Variants in GRIN2A observed in about 807,000 individuals in gnomAD.
GRIN2A encodes glutamate ionotropic receptor NMDA type subunit 2A, also known as glutamate receptor ionotropic, NMDA 2A.
In GRIN2A, 22 loss-of-function variants were observed where a neutral mutation model predicts 113.4. The ratio of observed to expected loss-of-function variants is 0.19; its 90% CI spans 0.14 to 0.28. The LOEUF (loss-of-function observed/expected upper bound fraction) is 0.28, where lower values mean the gene tolerates loss of function less well. GRIN2A is among the 10% of genes least tolerant of loss of function. The pLI, the probability that GRIN2A is intolerant of heterozygous loss-of-function variation, is 1.00. For synonymous variants in GRIN2A, 827 were observed against 738.4 expected (o/e 1.12, Z -1.94); for missense variants, 1,502 against 1,887.0 (o/e 0.80, Z 3.78).
chr16:10,057,095 A>G (rs1298903357), intron 2 of GRIN2A, among the ~76,000 whole-genome samples: 5 of 151,718 alleles, frequency 3.3e-5, no homozygotes, highest in Non-Finnish European at 7.4e-5. Context: ...CCATGCATCC[A>G]TCTATCCACC....
At chr16:10,035,883 C>T (rs2047016148) in intron 2 of GRIN2A, among the ~76,000 whole-genome samples, 1 of 152,096 alleles carries the variant, frequency 6.6e-6, no homozygotes, top group Non-Finnish European at 1.5e-5. Context: ...GCCACCATGC[C>T]TGGCTAATTT....
intron 11 of GRIN2A, among the ~76,000 whole-genome samples, chr16:9,797,248 C>G (rs1009236236): frequency 6.6e-6 from 1 of 152,230 alleles, no homozygotes. Context: ...TGCCCTCTGG[C>G]TTGAGCCTTT....
At chr16:10,155,001 G>A (rs555031853) in intron 2 of GRIN2A, among the ~76,000 whole-genome samples, 12 of 152,308 alleles carry the variant, frequency 7.9e-5, no homozygotes, top group East Asian at 5.8e-4. Flanking sequence ...AGTTTAAACC[G>A]TGTCTGTAGC....
At chr16:10,002,568 T>C (rs1262490425) in intron 2 of GRIN2A, among the ~76,000 whole-genome samples, 1 of 152,028 alleles carries the variant, frequency 6.6e-6, no homozygotes, top group African/African-American at 2.4e-5. Flanking sequence ...ATGAGAGAAG[T>C]TGGAAACTGA....
At chr16:10,105,180 G>A (rs2048473702) in intron 2 of GRIN2A, among the ~76,000 whole-genome samples, 1 of 151,962 alleles carries the variant, frequency 6.6e-6, no homozygotes, top group Admixed American at 6.5e-5. Context: ...AAGCCAGAAG[G>A]CCCTGAACCC....
intron 2 of GRIN2A, among the ~76,000 whole-genome samples, chr16:10,122,086 G>C (rs1329395238): frequency 6.6e-6 from 1 of 152,154 alleles, no homozygotes; most frequent in Non-Finnish European, 1.5e-5. Context: ...CGCCCTTCTG[G>C]GCACTACCAG....
intron 2 of GRIN2A, among the ~76,000 whole-genome samples, chr16:10,102,778 TG>T (rs2048425117): frequency 1.3e-5 from 2 of 152,146 alleles, no homozygotes; most frequent in South Asian, 4.1e-4. Context: ...TTAGGTAACT[TG>T]TCTAAGACCA....
intron 2 of GRIN2A, among the ~76,000 whole-genome samples, chr16:10,104,412 A>G (rs9935144): frequency 0.41 from 61,620 of 152,032 alleles, 12,665 homozygotes; most frequent in East Asian, 0.46. Flanking sequence ...CTGGAGGAGG[A>G]CCAGTTTGAA....
At position 9,998,215 on chromosome 16, in the gene GRIN2A, C is replaced by A. The variant is rs1014749667; in HGVS notation, c.415-59664G>T. On this transcript the variant is annotated intron_variant, in intron 2 of 12. Coordinates refer to ENST00000330684, the MANE Select transcript of GRIN2A (RefSeq NM_001134407.3). Reference sequence around the variant, plus strand: ...GTGTCATGGGTTAGCCATGGCACTGCGATTGATATTTAGTCCATATCTGTT... The same window carrying A: ...GTGTCATGGGTTAGCCATGGCACTGAGATTGATATTTAGTCCATATCTGTT... 5.3e-5 allele frequency among the ~76,000 whole-genome samples: 8 copies of A among 152,016 alleles called. No homozygotes were observed. The East Asian group carries it at 5.8e-4, about 11-fold the overall frequency.
chr16:9,849,801 G>A lies in GRIN2A; in HGVS notation c.1283C>T (p.Thr428Met), dbSNP rs2141369276. 6.2e-7 allele frequency: 1 copy of A among 1,614,024 alleles called. No individual in the cohort carries two copies. Among genetic ancestry groups the A allele is most frequent in the Non-Finnish European group, 8.5e-7 (1 of 1,179,972 alleles). The change falls in exon 5 of 13, where the codon ACG becomes ATG. Residue 428 changes from threonine (T) to methionine (M), a missense_variant. Coordinates refer to ENST00000330684, the MANE Select transcript of GRIN2A (RefSeq NM_001134407.3). Reference sequence around the variant, plus strand: ...ACATGGCACGGTGTTCCTCACACACGTCTCGGTCAGGGGGTCTATGTCTTC... The same window carrying A: ...ACATGGCACGGTGTTCCTCACACACATCTCGGTCAGGGGGTCTATGTCTTC... Reference protein sequence around the residue: ...IVEDIDPLTETCVRNTVPCRK... With the variant: ...IVEDIDPLTEMCVRNTVPCRK...
chr16:10,100,401 G>T (rs1315962304), intron 2 of GRIN2A, among the ~76,000 whole-genome samples: 1 of 152,218 alleles, frequency 6.6e-6, no homozygotes, highest in Non-Finnish European at 1.5e-5. Context: ...GATGTTGAGT[G>T]TTGGATCACA....
chr16:10,081,146 T>C (rs1402229852), intron 2 of GRIN2A, among the ~76,000 whole-genome samples: 1 of 152,204 alleles, frequency 6.6e-6, no homozygotes, highest in East Asian at 1.9e-4. Context: ...TCCGAGGCTC[T>C]TACATGCTTC....
chr16:10,135,259 A>T (rs573226269), intron 2 of GRIN2A, among the ~76,000 whole-genome samples: 1 of 152,200 alleles, frequency 6.6e-6, no homozygotes, highest in African/African-American at 2.4e-5. Context: ...CCAGTTTTCA[A>T]TAACATTTCC....
At chr16:9,957,925 G>T (rs1216065490) in intron 2 of GRIN2A, among the ~76,000 whole-genome samples, 1 of 152,144 alleles carries the variant, frequency 6.6e-6, no homozygotes, top group Non-Finnish European at 1.5e-5. Context: ...CCACTGATAT[G>T]AAGGGCTTCC....
At chr16:9,813,770 G>A (rs28489727) in intron 10 of GRIN2A, among the ~76,000 whole-genome samples, 2,102 of 152,040 alleles carry the variant, frequency 0.014, 54 homozygotes, top group African/African-American at 0.048. Context: ...CTATGATGTG[G>A]AAGCAATTAT....
At chr16:9,863,976 G>A (rs927710819) in intron 4 of GRIN2A, among the ~76,000 whole-genome samples, 1 of 152,144 alleles carries the variant, frequency 6.6e-6, no homozygotes, top group Non-Finnish European at 1.5e-5. Flanking sequence ...AATTGGGGCT[G>A]GGGAAGGTTA....
At chr16:9,966,234 C>T (rs927191382) in intron 2 of GRIN2A, among the ~76,000 whole-genome samples, 1 of 152,122 alleles carries the variant, frequency 6.6e-6, no homozygotes, top group Non-Finnish European at 1.5e-5. Flanking sequence ...AAGCCTAGTG[C>T]CTATTAGTTA....
chr16:9,901,724 T>C (rs1246284962), intron 3 of GRIN2A, among the ~76,000 whole-genome samples: 6 of 152,188 alleles, frequency 3.9e-5, no homozygotes, highest in Non-Finnish European at 8.8e-5. Flanking sequence ...GTGCTGGGAT[T>C]ACAGGCATGA....
chr16:9,797,484 C>T (rs1158130655), intron 11 of GRIN2A, among the ~76,000 whole-genome samples: 2 of 152,114 alleles, frequency 1.3e-5, no homozygotes, highest in African/African-American at 4.8e-5. Context: ...CACAGCTGGC[C>T]CAAGCGGCTT....
Sources: gnomAD v4.1 joint callset for allele counts (sites outside exome capture counted in the v4.1 genomes callset) on GRCh38, gnomAD v4.1.1 for gene constraint, MANE v1.5 for transcripts, NCBI Gene and HGNC (gene_info 2026-07-23, HGNC 2026-07-21) for gene names.